GRM8: variants seen among roughly 807,000 people sequenced by gnomAD.
GRM8 encodes the protein glutamate metabotropic receptor 8.
A neutral mutation model predicts 87.2 loss-of-function variants in GRM8; 47 were observed. The observed-to-expected ratio is 0.54, with a 90% CI of 0.43 to 0.69. GRM8 has a LOEUF of 0.69. Ranked by LOEUF, GRM8 falls within the 30% of genes least tolerant of loss-of-function variation. GRM8 has a pLI of 0.00. For missense variants in GRM8, 1,019 were observed against 1,139.2 expected, an observed-to-expected ratio of 0.89 and a Z score of 1.52; for synonymous variants, 396 against 404.5, an observed-to-expected ratio of 0.98 and a Z score of 0.25.
At chr7:126,531,652 T>A (rs1249157151) in intron 9 of GRM8, among the ~76,000 whole-genome samples, 1 of 152,250 alleles carries the variant, frequency 6.6e-6, no homozygotes, top group Non-Finnish European at 1.5e-5. Context: ...GGTTATTTTG[T>A]AAAATTTTCC....
intron 9 of GRM8, among the ~76,000 whole-genome samples, chr7:126,531,906 G>A (rs147446718): frequency 9.5e-4 from 145 of 152,246 alleles, no homozygotes; most frequent in South Asian, 3.3e-3. Flanking sequence ...ACCCCATGAC[G>A]TTTCATTTTT....
At chr7:126,951,653 G>A (rs553830462) in intron 3 of GRM8, among the ~76,000 whole-genome samples, 58 of 152,034 alleles carry the variant, frequency 3.8e-4, no homozygotes, top group African/African-American at 1.3e-3. Context: ...TATGTTTCTC[G>A]CAGGGGCATA....
At chr7:127,012,492 T>A (rs1814992205) in intron 3 of GRM8, among the ~76,000 whole-genome samples, 2 of 152,128 alleles carry the variant, frequency 1.3e-5, no homozygotes, top group Non-Finnish European at 2.9e-5. Context: ...GTGAAAAAAA[T>A]TTAAATACTC....
At chr7:126,930,345 G>A (rs1017045635) in intron 3 of GRM8, among the ~76,000 whole-genome samples, 1 of 152,182 alleles carries the variant, frequency 6.6e-6, no homozygotes, top group African/African-American at 2.4e-5. Context: ...AAAACAGCTA[G>A]AACAGTGGCT....
chr7:127,134,525 A>G (rs1827851124), intron 2 of GRM8, among the ~76,000 whole-genome samples: 1 of 152,224 alleles, frequency 6.6e-6, no homozygotes, highest in Non-Finnish European at 1.5e-5. Flanking sequence ...TTGAAGCATG[A>G]ACTAAAACAT....
rs572116996 is a variant in GRM8 at position 127,177,580 on chromosome 7, C to T, written c.510+65115G>A. ...AGCATTAAACCACCAAAGCTAAGAA[C>T]CCTCACAGAATCCATTGAACACCCC... On this transcript the variant is annotated intron_variant, in intron 2 of 10. Transcript: ENST00000339582. Among the ~76,000 whole-genome samples the T allele has an allele frequency of 5.3e-5, 8 of 152,318 alleles. No individual in the cohort carries two copies. The South Asian group carries it at 1.7e-3, about 32-fold the overall frequency.
At chr7:126,750,617 T>G (rs1233580330) in intron 7 of GRM8, among the ~76,000 whole-genome samples, 1 of 152,116 alleles carries the variant, frequency 6.6e-6, no homozygotes, top group African/African-American at 2.4e-5. Flanking sequence ...AGATTTACCT[T>G]GACTTCATAT....
chr7:126,881,153 G>A (rs1163085090), intron 6 of GRM8, among the ~76,000 whole-genome samples: 1 of 152,118 alleles, frequency 6.6e-6, no homozygotes, highest in Non-Finnish European at 1.5e-5. Flanking sequence ...ATCCCAGAGT[G>A]TTCAAATAAA....
intron 7 of GRM8, among the ~76,000 whole-genome samples, chr7:126,766,347 C>T (rs1490830884): frequency 1.3e-5 from 2 of 151,982 alleles, no homozygotes; most frequent in Middle Eastern, 6.3e-3. Context: ...TTTTACTATC[C>T]CAAACTAAAA....
chr7:127,179,020 A>G (rs1794281694), intron 2 of GRM8, among the ~76,000 whole-genome samples: 1 of 152,190 alleles, frequency 6.6e-6, no homozygotes. Context: ...TATCAATACT[A>G]CATTGAATGT....
chr7:126,851,834 T>G (rs1459843218), intron 6 of GRM8, among the ~76,000 whole-genome samples: 1 of 152,164 alleles, frequency 6.6e-6, no homozygotes, highest in East Asian at 1.9e-4. Flanking sequence ...CCTTAGCACT[T>G]ACATTACTCT....
intron 2 of GRM8, among the ~76,000 whole-genome samples, chr7:127,173,735 T>C (rs1793946495): frequency 6.6e-6 from 1 of 152,170 alleles, no homozygotes; most frequent in Non-Finnish European, 1.5e-5. Flanking sequence ...TCACCAAGAT[T>C]GATCCGTCTG....
intron 9 of GRM8, among the ~76,000 whole-genome samples, chr7:126,496,424 A>G (rs1217045566): frequency 1.3e-5 from 2 of 151,998 alleles, no homozygotes; most frequent in Non-Finnish European, 2.9e-5. Context: ...TTATTCTTCT[A>G]TGACAAGAAG....
In GRM8 at chr7:126,704,157, T is replaced by C. The variant is rs1390714083; in HGVS notation, c.1357+65708A>G. ...ACTGGTTGAAGCCATGGCAGAAGAA[T>C]GTGAATTGTGAAGATTTCATGGACA... On this transcript the variant is annotated intron_variant, in intron 7 of 10. Transcript: ENST00000339582. Among the ~76,000 whole-genome samples, 3 of 152,148 alleles carry C rather than the reference T, an allele frequency of 2.0e-5. 1 individual carries two copies. In the South Asian group the frequency reaches 6.2e-4, roughly 31 times the overall value.
At chr7:126,810,692 C>T (rs527700097) in intron 6 of GRM8, among the ~76,000 whole-genome samples, 1 of 152,218 alleles carries the variant, frequency 6.6e-6, no homozygotes, top group Admixed American at 6.5e-5. Flanking sequence ...CACTCTCCTG[C>T]TCCTACCAAA....
chr7:126,787,937 A>G (rs73720785), intron 6 of GRM8, among the ~76,000 whole-genome samples: 3,377 of 152,230 alleles, frequency 0.022, 136 homozygotes, highest in African/African-American at 0.077. Context: ...ATTCTCTTAG[A>G]CAAAAAATAT....
chr7:127,105,461 G>A (rs1167269206), intron 3 of GRM8: 1 of 152,172 alleles, frequency 6.6e-6, no homozygotes, highest in Non-Finnish European at 1.5e-5. Flanking sequence ...AGAAAAGCTT[G>A]CAGTCATCTG....
chr7:127,217,751 CAT>C (rs2116686544), intron 2 of GRM8, among the ~76,000 whole-genome samples: 1 of 152,296 alleles, frequency 6.6e-6, no homozygotes, highest in African/African-American at 2.4e-5. Context: ...AACTGTAAAA[CAT>C]ATTGATTCCT....
chr7:126,452,557 GAAA>G, intron 9 of GRM8, among the ~76,000 whole-genome samples: 1 of 141,838 alleles, frequency 7.1e-6, no homozygotes, highest in East Asian at 2.0e-4. Flanking sequence ...TTCCAAGAAG[GAAA>G]AAAAAAAACA....
Sources: allele counts gnomAD v4.1 joint callset (sites outside exome capture counted in the v4.1 genomes callset), GRCh38; gene constraint gnomAD v4.1.1; transcripts MANE v1.5; gene names NCBI Gene and HGNC (gene_info 2026-07-23, HGNC 2026-07-21).